Variants in MTO1 observed in about 807,000 individuals in gnomAD.
MTO1 encodes the protein mitochondrial tRNA translation optimization 1, also known as 5-taurinomethyluridine-[tRNA] synthase subunit MTO1, mitochondrial.
A neutral mutation model predicts 71.6 loss-of-function variants in MTO1; 46 were observed. The ratio of observed to expected loss-of-function variants is 0.64; its 90% CI spans 0.51 to 0.82. The LOEUF is 0.82. Among genes scored for constraint, MTO1 ranks in the 40% least tolerant of loss-of-function variants. The pLI is 0.00. For synonymous variants in MTO1, 297 were observed against 312.1 expected, an observed-to-expected ratio of 0.95 and a Z score of 0.51; for missense variants, 773 against 867.5, an observed-to-expected ratio of 0.89 and a Z score of 1.37.
intron 1 of MTO1, chr6:73,462,325 C>G: frequency 3.6e-6 from 2 of 549,112 alleles, no homozygotes; most frequent in Non-Finnish European, 6.5e-6. Flanking sequence ...GGTTCGGGGT[C>G]AGTGCCTTGG....
rs1771843356 is a variant in MTO1, at chr6:73,492,604, A to G, written c.1756+252A>G. On this transcript the variant is annotated intron_variant, in intron 10 of 11. Coordinates refer to ENST00000498286, the MANE Select transcript of MTO1 (RefSeq NM_012123.4). ...GTGGGCTGATTTCTTGAGCCTGGGC[A>G]TTCCGGACCAGCCTGGCCAATATGG... is the stretch of plus-strand genomic sequence containing the variant. 3 of 328,704 alleles carry G rather than the reference A, an allele frequency of 9.1e-6. No individual in the cohort carries two copies. In the East Asian group the frequency reaches 1.8e-4, roughly 20 times the overall value. 20.4% of individuals were successfully genotyped at this position (328,704 alleles called of 1,614,324 possible).
chr6:73,490,393 G>T (rs530645687), intron 9 of MTO1, among the ~76,000 whole-genome samples: 86 of 152,060 alleles, frequency 5.7e-4, no homozygotes, highest in Non-Finnish European at 9.3e-4. Context: ...GTGTTGCCTA[G>T]GTTTTCTTCT....
chr6:73,475,124 T>C (rs1771273199), intron 4 of MTO1, among the ~76,000 whole-genome samples: 1 of 151,986 alleles, frequency 6.6e-6, no homozygotes, highest in Admixed American at 6.6e-5. Context: ...AAAAAATTTT[T>C]TCATTTATTA....
At chr6:73,472,144 C>A (rs1771175220) in intron 3 of MTO1, among the ~76,000 whole-genome samples, 2 of 152,142 alleles carry the variant, frequency 1.3e-5, no homozygotes, top group Non-Finnish European at 2.9e-5. Flanking sequence ...TTAGTTCATT[C>A]TCATTGATAT....
intron 3 of MTO1, among the ~76,000 whole-genome samples, chr6:73,470,115 C>G (rs530983903): frequency 1.3e-5 from 2 of 152,280 alleles, no homozygotes; most frequent in South Asian, 4.1e-4. Flanking sequence ...ATATGGCTAC[C>G]CACTAGCGTT....
At chr6:73,480,378 C>A (rs909393149) in intron 6 of MTO1, 1 of 659,724 alleles carries the variant, frequency 1.5e-6, no homozygotes. Flanking sequence ...GTTCGTGATT[C>A]TTCTGCCTCA....
chr6:73,493,482 C>T (rs1321078036), intron 10 of MTO1, among the ~76,000 whole-genome samples: 2 of 151,540 alleles, frequency 1.3e-5, no homozygotes, highest in Non-Finnish European at 2.9e-5. Context: ...CCTACACCTC[C>T]CAGGTTCATG....
chr6:73,496,763 A>G (rs1343484299), intron 10 of MTO1, among the ~76,000 whole-genome samples: 1 of 151,876 alleles, frequency 6.6e-6, no homozygotes, highest in Admixed American at 6.6e-5. Context: ...TTAGAGAAGT[A>G]GCTTATCTCA....
chr6:73,486,781 G>T, intron 9 of MTO1: 1 of 183,930 alleles, frequency 5.4e-6, no homozygotes, highest in South Asian at 7.4e-5. Context: ...TTTGTGACTG[G>T]CTTATTTCAT....
chr6:73,464,789 C>T (rs986344753), intron 1 of MTO1, among the ~76,000 whole-genome samples: 8 of 138,106 alleles, frequency 5.8e-5, no homozygotes, highest in East Asian at 2.2e-4. Flanking sequence ...GAGCTGAGAT[C>T]GTGCCATTGC....
intron 11 of MTO1, among the ~76,000 whole-genome samples, 199 bp downstream of exon 11, chr6:73,498,095 G>A (rs931556277): frequency 5.3e-5 from 8 of 151,948 alleles, no homozygotes; most frequent in Admixed American, 1.3e-4. Context: ...CACCTGCAGC[G>A]CCAGCTACTC....
At chr6:73,491,834 G>A (rs1771815445) in intron 9 of MTO1, among the ~76,000 whole-genome samples, 1 of 152,092 alleles carries the variant, frequency 6.6e-6, no homozygotes, top group African/African-American at 2.4e-5. Flanking sequence ...TAATCTTTTG[G>A]GGCCGGGCGC....
At chr6:73,479,677 A>G in intron 4 of MTO1, 55 bp from the exon 5 acceptor site, 1 of 1,387,468 alleles carries the variant, frequency 7.2e-7, no homozygotes, top group South Asian at 1.2e-5. Context: ...TATTTGGATA[A>G]GAGAGAAACT....
At position 73,471,558 on chromosome 6, in the gene MTO1, G is replaced by A. The variant is rs1007768758; in HGVS notation, c.536-1807G>A. On this transcript the variant is annotated intron_variant, in intron 3 of 11. Coordinates refer to ENST00000498286, the MANE Select transcript of MTO1 (RefSeq NM_012123.4). ...GCCTCCTGTGTAGCTGGGACCACAG[G>A]CATGTGTCACCACCCCTGGCTAATT... The A allele has an allele frequency of 4.7e-5, 18 of 379,316 alleles. 1 individual carries two copies. The highest frequency in any genetic ancestry group is 8.6e-4 in the Middle Eastern group (1 of 1,164). The allele number at this position is 379,316 out of a possible 1,614,324, so 23.5% of individuals were successfully genotyped here.
rs574257719 is a variant in MTO1, at chr6:73,482,273, G to T, written c.1465+29G>T. Reference sequence around the variant, plus strand: ...ACTCTTTCCTGAGTCCTGCAATCCAGCCAGGCATGGTGGCTCACACCTATA... The same window carrying T: ...ACTCTTTCCTGAGTCCTGCAATCCATCCAGGCATGGTGGCTCACACCTATA... On this transcript the variant is annotated intron_variant, in intron 8 of 11. Coordinates refer to ENST00000498286, the MANE Select transcript of MTO1 (RefSeq NM_012123.4). The T allele has an allele frequency of 5.6e-6, 9 of 1,610,352 alleles. No homozygotes were observed. In the African/African-American group the frequency reaches 1.2e-4, roughly 21 times the overall value.
intron 4 of MTO1, 113 bp downstream of exon 4, chr6:73,473,767 C>A: frequency 2.7e-6 from 2 of 753,258 alleles, no homozygotes; most frequent in Non-Finnish European, 2.0e-6. Flanking sequence ...AGCACTATTG[C>A]TTATAGTGCA....
At chr6:73,469,190 A>G (rs1771078236) in intron 3 of MTO1, among the ~76,000 whole-genome samples, 1 of 151,772 alleles carries the variant, frequency 6.6e-6, no homozygotes, top group Admixed American at 6.6e-5. Context: ...TTTTTTGGAG[A>G]CGTGGGATCT....
At position 73,508,311 on chromosome 6, in the gene MTO1, T is replaced by C. The variant is rs566444048; in HGVS notation, c.*7576T>C. On this transcript the variant is annotated 3_prime_UTR_variant, in exon 12 of 12. Transcript: ENST00000498286. ...TTTAGTCCAGTGGCTTGTAATTAAG[T>C]CATTTTTAGTCTTTAATTATGTTGG... 9.2e-5 allele frequency: 14 copies of C among 152,336 alleles called. 1 individual carries two copies. In the South Asian group the frequency reaches 2.5e-3, roughly 27 times the overall value. 9.4% of individuals were successfully genotyped at this position (152,336 alleles called of 1,614,324 possible).
intron 9 of MTO1, among the ~76,000 whole-genome samples, chr6:73,485,003 C>T (rs1233062223): frequency 6.7e-6 from 1 of 149,820 alleles, no homozygotes; most frequent in Admixed American, 6.7e-5. Flanking sequence ...GCCGAAATCA[C>T]ACCACTGCAC....
Sources: allele counts gnomAD v4.1 joint callset (sites outside exome capture counted in the v4.1 genomes callset), GRCh38; gene constraint gnomAD v4.1.1; transcripts MANE v1.5; gene names NCBI Gene and HGNC (gene_info 2026-07-23, HGNC 2026-07-21).